DNAH5: variants seen among roughly 807,000 people sequenced by gnomAD.
DNAH5 encodes axonemal beta dynein heavy chain 5.
Under a neutral mutation model 518.2 loss-of-function variants are expected in DNAH5, and 372 were observed. The ratio of observed to expected loss-of-function variants is 0.72; its 90% CI spans 0.66 to 0.78. The LOEUF (loss-of-function observed/expected upper bound fraction) is 0.78. Ranked by LOEUF, DNAH5 falls within the 30% of genes least tolerant of loss-of-function variation. The pLI is 0.00. For missense variants in DNAH5, 5,523 were observed against 5,687.0 expected, an observed-to-expected ratio of 0.97 and a Z score of 0.93; for synonymous variants, 2,039 against 2,025.9, an observed-to-expected ratio of 1.01 and a Z score of -0.17.
rs1320036244 is a variant in DNAH5 at position 13,692,099 on chromosome 5, T to A, written c.13760A>T (p.Tyr4587Phe). Residue 4587 changes from tyrosine (Y) to phenylalanine (F), a missense_variant, in exon 79 of 79, where the codon TAT becomes TTT. Tyr to Phe is a conservative substitution (Grantham distance 22). This residue lies in a region of DNAH5 where 387 missense variants were observed against 430.0 expected (regional missense o/e 0.90). Transcript: ENST00000265104. ...CAAGTCCGTTCGAACTGGCTTCTTA[T>A]AGATGGGACAGGAGTAAAACCGAGG... is the stretch of plus-strand genomic sequence containing the variant. ...RDPRFYSCPI[Y>F]KKPVRTDLNY... 6.2e-7 allele frequency: 1 copy of A among 1,613,958 alleles called. No homozygotes were observed. Among genetic ancestry groups the A allele is most frequent in the East Asian group, 2.2e-5 (1 of 44,862 alleles).
intron 75 of DNAH5, among the ~76,000 whole-genome samples, chr5:13,713,463 A>ATC (rs1196231465): frequency 1.6e-5 from 2 of 127,690 alleles, no homozygotes; most frequent in East Asian, 2.4e-4. Context: ...ATATATATAT[A>ATC]TATACACACA....
chr5:13,847,115 C>T (rs555749301), intron 31 of DNAH5, among the ~76,000 whole-genome samples: 3 of 152,246 alleles, frequency 2.0e-5, no homozygotes, highest in South Asian at 2.1e-4. Context: ...CTTATCTTCA[C>T]GGACACAGTC....
At chr5:13,935,850 G>A (rs936318753) in intron 1 of DNAH5, among the ~76,000 whole-genome samples, 1 of 152,194 alleles carries the variant, frequency 6.6e-6, no homozygotes, top group Non-Finnish European at 1.5e-5. Context: ...AGTGAAGGCA[G>A]AGAGGGATTA....
intron 1 of DNAH5, among the ~76,000 whole-genome samples, chr5:13,990,273 C>A (rs1002961232): frequency 6.6e-6 from 1 of 151,912 alleles, no homozygotes; most frequent in South Asian, 2.1e-4. Context: ...GGCCCGGCGG[C>A]CAGGCACGGT....
intron 52 of DNAH5, 115 bp downstream of exon 52, chr5:13,786,064 C>T (rs1580232613): frequency 2.8e-6 from 3 of 1,056,152 alleles, no homozygotes; most frequent in East Asian, 5.0e-5. Context: ...AGCATGGAGT[C>T]TAATTTTAAA....
At chr5:13,926,322 G>C (rs1777865327) in intron 3 of DNAH5, among the ~76,000 whole-genome samples, 1 of 152,214 alleles carries the variant, frequency 6.6e-6, no homozygotes, top group Admixed American at 6.5e-5. Flanking sequence ...CAAGGTAAGA[G>C]TGCAAGGTCA....
Position 13,736,403 on chromosome 5 carries a change from TA to T in DNAH5, c.11456-472del, listed in dbSNP as rs1416421731. Among the ~76,000 whole-genome samples, 25 of 152,212 alleles carry T rather than the reference TA, an allele frequency of 1.6e-4. 1 individual carries two copies. In the South Asian group the frequency reaches 3.1e-3, roughly 19 times the overall value. ...TAAACGACACTTTAATTATTATTATTATTTTGTTGATACGGAGTTTTGCTCT... is the reference window on the plus strand; with the variant it reads ...TAAACGACACTTTAATTATTATTATTTTTTGTTGATACGGAGTTTTGCTCT... On this transcript the variant is annotated intron_variant, in intron 66 of 78. Transcript: ENST00000265104.
intron 30 of DNAH5, among the ~76,000 whole-genome samples, chr5:13,852,223 A>G (rs564901580): frequency 3.7e-4 from 56 of 152,220 alleles, no homozygotes; most frequent in Non-Finnish European, 6.2e-4. Context: ...GCTGGAGTGC[A>G]ACGGTGTGAT....
At chr5:13,875,270 C>T (rs1157707609) in intron 22 of DNAH5, among the ~76,000 whole-genome samples, 1 of 152,016 alleles carries the variant, frequency 6.6e-6, no homozygotes, top group East Asian at 1.9e-4. Flanking sequence ...GAGTTTGAGA[C>T]CAGCTTGACC....
Position 13,762,747 on chromosome 5 carries a change from A to G in DNAH5, c.10256T>C (p.Ile3419Thr). The G allele has an allele frequency of 1.2e-6, 2 of 1,614,098 alleles. No individual in the cohort carries two copies. Among genetic ancestry groups the G allele is most frequent in the Non-Finnish European group, 1.7e-6 (2 of 1,179,988 alleles). ...WTKAMASFFSINKEVLPLKAN... is the reference protein window; with the variant it reads ...WTKAMASFFSTNKEVLPLKAN... ...CTTCAGAGGCAGTACTTCTTTGTTT[A>G]TAGAAAAGAAGGAAGCCATAGCTTT... The change falls in exon 60 of 79, where the codon ATA becomes ACA. Residue 3419 changes from isoleucine (I) to threonine (T), a missense_variant. This residue lies in a region of DNAH5 where 5,121 missense variants were observed against 5,223.3 expected (regional missense o/e 0.98). Transcript: ENST00000265104.
At chr5:13,777,780 A>G (rs1754325774) in intron 53 of DNAH5, among the ~76,000 whole-genome samples, 1 of 152,198 alleles carries the variant, frequency 6.6e-6, no homozygotes, top group South Asian at 2.1e-4. Context: ...GGTGAGTGAG[A>G]TGCCCTGTTA....
At chr5:13,930,901 G>T (rs1296268479) in intron 2 of DNAH5, among the ~76,000 whole-genome samples, 1 of 152,214 alleles carries the variant, frequency 6.6e-6, no homozygotes, top group Admixed American at 6.5e-5. Context: ...GAACTCAAAT[G>T]ACAATTAGAA....
Position 13,885,051 on chromosome 5 carries a change from G to GT in DNAH5, c.2920dup (p.Thr974AsnfsTer19). On this transcript the variant is annotated frameshift_variant, in exon 19 of 79. Coordinates refer to ENST00000265104, the MANE Select transcript of DNAH5 (RefSeq NM_001369.3). LOFTEE classifies it high-confidence loss of function. ...GCGAATGGCCTCTAGTGTATTCCTT[G>GT]TAACTTTCAGAAGAGCATCCATGTT... 6.2e-7 allele frequency: 1 copy of GT among 1,614,204 alleles called. No homozygotes were observed. Among genetic ancestry groups the GT allele is most frequent in the Non-Finnish European group, 8.5e-7 (1 of 1,180,028 alleles).
chr5:13,847,980 C>A (rs965303729), intron 31 of DNAH5, among the ~76,000 whole-genome samples: 1 of 152,120 alleles, frequency 6.6e-6, no homozygotes, highest in Non-Finnish European at 1.5e-5. Flanking sequence ...TTTCAGAAAC[C>A]CTTTTCTCGT....
At position 13,903,906 on chromosome 5, in the gene DNAH5, C is replaced by T. The variant is rs113090175; in HGVS notation, c.1645-1768G>A. 1.5e-3 allele frequency among the ~76,000 whole-genome samples: 227 copies of T among 152,050 alleles called. 1 individual carries two copies. Among genetic ancestry groups the T allele is most frequent in the African/African-American group, 3.5e-3 (145 of 41,520 alleles). ...ATGAACCCAAAAAGAGGGAGAGATA[C>T]GATTACTAACAAGATGCAAGAATAA... On this transcript the variant is annotated intron_variant, in intron 12 of 78. Transcript: ENST00000265104.
In DNAH5 at chr5:13,825,300, C is replaced by A. The variant is rs367555941; in HGVS notation, c.6445-967G>T. Among the ~76,000 whole-genome samples, 127 of 152,136 alleles carry A rather than the reference C, an allele frequency of 8.3e-4. 1 individual carries two copies. The highest frequency in any genetic ancestry group is 3.0e-3 in the African/African-American group (123 of 41,514). ...CAGAGGTTGCAGTGAGCCGAGATAGCACTTGCACTCCAGCCTGGGCAACAG... is the reference window on the plus strand; with the variant it reads ...CAGAGGTTGCAGTGAGCCGAGATAGAACTTGCACTCCAGCCTGGGCAACAG... On this transcript the variant is annotated intron_variant, in intron 38 of 78. Transcript: ENST00000265104.
chr5:13,716,830 A>G, intron 73 of DNAH5, 140 bp from the exon 74 acceptor site: 1 of 717,090 alleles, frequency 1.4e-6, no homozygotes, highest in Admixed American at 2.0e-5. Flanking sequence ...AAAGTGCAGA[A>G]AGAAAAGTAA....
Position 13,739,982 on chromosome 5 carries a change from A to G in DNAH5, c.11212-2487T>C, listed in dbSNP as rs183560945. Among the ~76,000 whole-genome samples, 8 of 152,204 alleles carry G rather than the reference A, an allele frequency of 5.3e-5. No individual in the cohort carries two copies. In the South Asian group the frequency reaches 8.3e-4, roughly 16 times the overall value. On this transcript the variant is annotated intron_variant, in intron 65 of 78. Coordinates refer to ENST00000265104, the MANE Select transcript of DNAH5 (RefSeq NM_001369.3). ...ATCTAAGAGACTTCTCCTACTTAGC[A>G]CCATCAGCAAAACTAAACGTCTGAT...
chr5:13,723,451 G>T (rs558206624), intron 70 of DNAH5, among the ~76,000 whole-genome samples: 2 of 152,340 alleles, frequency 1.3e-5, no homozygotes, highest in African/African-American at 4.8e-5. Context: ...AAGATAGCAA[G>T]GGGCTCAACA....
Sources: allele counts gnomAD v4.1 joint callset (sites outside exome capture counted in the v4.1 genomes callset), GRCh38; gene constraint gnomAD v4.1.1; regional missense constraint gnomAD v4.1.1; transcripts MANE v1.5; gene names NCBI Gene and HGNC (gene_info 2026-07-23, HGNC 2026-07-21).